The following GPI variants were observed in gnomAD, a reference collection of about 807,000 sequenced individuals.
GPI encodes D-hexose-6-phosphate anomerase.
GPI carries 56 observed loss-of-function variants against 75.8 expected under a neutral mutation model. That is an observed-to-expected ratio of 0.74 (90% confidence interval 0.60 to 0.92). GPI has a LOEUF of 0.92. Ranked by LOEUF, GPI falls within the 40% of genes least tolerant of loss-of-function variation. GPI has a pLI of 0.00. For missense variants in GPI, 638 were observed against 741.0 expected (o/e 0.86, Z 1.61); for synonymous variants, 288 against 285.4 (o/e 1.01, Z -0.09).
At chr19:34,364,136 G>C (rs1239845945), upstream of GPI, among the ~76,000 whole-genome samples, 1 of 151,972 alleles carries the variant, frequency 6.6e-6, no homozygotes, top group African/African-American at 2.4e-5. Flanking sequence ...TGATCCTCCT[G>C]CCTTGGCCTC....
chr19:34,400,731 C>G lies in GPI; in HGVS notation c.*695C>G. ...TGCTTTAAAAGGCAGATATTGAAAA[C>G]TGGAATTTTTTTTTTTTGAGTCTCG... On this transcript the variant is annotated 3_prime_UTR_variant, in exon 18 of 18. Coordinates refer to ENST00000356487, the MANE Select transcript of GPI (RefSeq NM_000175.5). 2.5e-6 allele frequency: 1 copy of G among 400,676 alleles called. No individual in the cohort carries two copies. Among genetic ancestry groups the G allele is most frequent in the Non-Finnish European group, 4.4e-6 (1 of 227,564 alleles). 24.8% of individuals were successfully genotyped at this position (400,676 alleles called of 1,614,324 possible).
At chr19:34,366,880 C>T in intron 3 of GPI, 29 bp downstream of exon 3, 2 of 1,489,518 alleles carry the variant, frequency 1.3e-6, no homozygotes, top group Middle Eastern at 1.7e-4. Flanking sequence ...CCCTCTGGGG[C>T]CTCCTTCCTT....
chr19:34,393,471 G>T lies in GPI; in HGVS notation c.865+163G>T. ...TTTCATGTCCAGAAGGAAGGTCTGG[G>T]TTTTTTTGCGTGTGCAAGTTGGCCC... On this transcript the variant is annotated intron_variant, in intron 10 of 17. Transcript: ENST00000356487. This position sits in a 1 kb window ranked among gnomAD's most constrained non-coding sequence, Gnocchi z 4.4. 1.3e-6 allele frequency: 1 copy of T among 762,044 alleles called. No individual in the cohort carries two copies. The highest frequency in any genetic ancestry group is 1.7e-5 in the African/African-American group (1 of 58,244). 47.2% of individuals were successfully genotyped at this position (762,044 alleles called of 1,614,324 possible).
At chr19:34,380,343 G>A (rs2074631331) in intron 8 of GPI, among the ~76,000 whole-genome samples, 1 of 151,984 alleles carries the variant, frequency 6.6e-6, no homozygotes, top group Admixed American at 6.6e-5. Flanking sequence ...GAGTGCAGTG[G>A]TACGATCTTG....
rs2075019899 is a variant in GPI at position 34,401,365 on chromosome 19, C to T, written c.*1329C>T. ...CCTGTGTAGCTGGGAGTACAGGCACCTGCCACCATGCCCGGCTAATTTTTT... is the reference window on the plus strand; with the variant it reads ...CCTGTGTAGCTGGGAGTACAGGCACTTGCCACCATGCCCGGCTAATTTTTT... On this transcript the variant is annotated 3_prime_UTR_variant, in exon 18 of 18. Transcript: ENST00000356487. The T allele has an allele frequency of 6.6e-6, 1 of 152,016 alleles. No individual in the cohort carries two copies. The highest frequency in any genetic ancestry group is 2.4e-5 in the African/African-American group (1 of 41,374). The allele number at this position is 152,016 out of a possible 1,614,324, so 9.4% of individuals were successfully genotyped here.
At chr19:34,381,607 T>TA (rs775115976) in intron 9 of GPI, 88 bp downstream of exon 9, 28 of 908,520 alleles carry the variant, frequency 3.1e-5, no homozygotes, top group Non-Finnish European at 4.5e-5. Context: ...AGGTCAGTGT[T>TA]TATTGAGTAC....
At chr19:34,388,492 G>A (rs2074772717) in intron 9 of GPI, among the ~76,000 whole-genome samples, 2 of 131,702 alleles carry the variant, frequency 1.5e-5, no homozygotes, top group South Asian at 2.5e-4. Flanking sequence ...AAAAGAAAGT[G>A]AGTAAAGTGA....
intron 9 of GPI, among the ~76,000 whole-genome samples, chr19:34,381,910 G>T (rs8191387): frequency 0.011 from 1,739 of 152,290 alleles, 40 homozygotes; most frequent in African/African-American, 0.039. Flanking sequence ...AGGTATGACC[G>T]GGTAGGCCTG....
At chr19:34,392,095 A>AC in intron 9 of GPI, 1 of 1,676 alleles carries the variant, frequency 6.0e-4, no homozygotes, top group Non-Finnish European at 9.1e-4. Context: ...CTGAGGAGGT[A>AC]GGATCTGGCA....
intron 4 of GPI, among the ~76,000 whole-genome samples, chr19:34,376,790 G>GT (rs2074543614): frequency 6.6e-6 from 1 of 152,096 alleles, no homozygotes. Context: ...GCTCACACCT[G>GT]TAATTCCAGC....
At chr19:34,364,189 C>T (rs998628723), upstream of GPI, among the ~76,000 whole-genome samples, 3 of 151,466 alleles carry the variant, frequency 2.0e-5, no homozygotes, top group Admixed American at 1.3e-4. Context: ...CCACATGCCC[C>T]GCTAATTTAT....
At chr19:34,386,114 C>G (rs2074731188) in intron 9 of GPI, among the ~76,000 whole-genome samples, 1 of 150,910 alleles carries the variant, frequency 6.6e-6, no homozygotes, top group Admixed American at 6.6e-5. Flanking sequence ...TCTGAAGAGC[C>G]AGGATCAAGT....
rs113369260 is a variant in GPI at position 34,399,137 on chromosome 19, C to T, written c.1270-70C>T. On this transcript the variant is annotated intron_variant, in intron 14 of 17. Transcript: ENST00000356487. ...GGGACTGACCCCTGCTGAGAAGTAC[C>T]AGGCGGTCTTGTCCCTCTGCCTGAA... The T allele has an allele frequency of 4.1e-4, 613 of 1,511,608 alleles. 1 individual carries two copies. The highest frequency in any genetic ancestry group is 5.2e-4 in the Non-Finnish European group (577 of 1,108,984). 93.6% of individuals were successfully genotyped at this position (1,511,608 alleles called of 1,614,324 possible).
Position 34,365,325 on chromosome 19 carries a change from A to G in GPI, c.59A>G (p.His20Arg). 6.3e-7 allele frequency: 1 copy of G among 1,591,218 alleles called. No homozygotes were observed. Among genetic ancestry groups the G allele is most frequent in the Non-Finnish European group, 8.5e-7 (1 of 1,170,856 alleles). ...FQKLQQWYRE[H>R]RSELNLRRLF... ...AAGCTGCAGCAATGGTACCGCGAGC[A>G]CCGCTCCGAGCTGAACCTGCGCCGC... The change falls in exon 1 of 18, where the codon CAC becomes CGC. Residue 20 changes from histidine (H) to arginine (R), a missense_variant. Physicochemically the swap from His to Arg is conservative, Grantham distance 29. Coordinates refer to ENST00000356487, the MANE Select transcript of GPI (RefSeq NM_000175.5).
At chr19:34,387,108 G>A (rs568267576) in intron 9 of GPI, among the ~76,000 whole-genome samples, 5 of 152,294 alleles carry the variant, frequency 3.3e-5, no homozygotes, top group East Asian at 1.9e-4. Context: ...CAAGGGAACC[G>A]GGTCTGTCAG....
intron 4 of GPI, among the ~76,000 whole-genome samples, chr19:34,376,704 C>T (rs1194890222): frequency 6.6e-6 from 1 of 152,144 alleles, no homozygotes. Flanking sequence ...AAGCAATCCT[C>T]CTGTCTCAGC....
chr19:34,370,628 G>A (rs2074437328), intron 4 of GPI, among the ~76,000 whole-genome samples: 1 of 152,234 alleles, frequency 6.6e-6, no homozygotes, highest in Middle Eastern at 3.4e-3. Context: ...GGGAGGCTGA[G>A]GCAGGAGAAT....
At chr19:34,367,120 A>C (rs2145320324) in intron 3 of GPI, 1 of 605,010 alleles carries the variant, frequency 1.7e-6, no homozygotes, top group South Asian at 1.7e-5. Flanking sequence ...CTCAAGGCTG[A>C]CATTTTCTTG....
At chr19:34,360,242 G>A (rs2074294192), upstream of GPI, among the ~76,000 whole-genome samples, 1 of 152,138 alleles carries the variant, frequency 6.6e-6, no homozygotes. Context: ...GCGATCGGCA[G>A]GACTTGGCTC....
Sources: allele counts gnomAD v4.1 joint callset (sites outside exome capture counted in the v4.1 genomes callset), GRCh38; gene constraint gnomAD v4.1.1; non-coding constraint Gnocchi (gnomAD v3.1); transcripts MANE v1.5; gene names NCBI Gene and HGNC (gene_info 2026-07-23, HGNC 2026-07-21).